Variants in TRIM67 observed in about 807,000 individuals in gnomAD.
The protein encoded by TRIM67 is tripartite motif containing 67, also known as tripartite motif-containing protein 67.
In TRIM67, 39 loss-of-function variants were observed where a neutral mutation model predicts 71.0. The ratio of observed to expected loss-of-function variants is 0.55; its 90% CI spans 0.43 to 0.72. TRIM67 has a LOEUF of 0.72. Ranked by LOEUF, TRIM67 falls within the 30% of genes least tolerant of loss-of-function variation. TRIM67 has a pLI of 0.00. For synonymous variants in TRIM67, 481 were observed against 473.9 expected (o/e 1.01, Z -0.19); for missense variants, 973 against 1,079.2 (o/e 0.90, Z 1.38).
intron 6 of TRIM67, among the ~76,000 whole-genome samples, chr1:231,204,850 A>T (rs538091213): frequency 4.9e-4 from 75 of 152,364 alleles, no homozygotes; most frequent in African/African-American, 1.6e-3. Context: ...AAAGAGATGT[A>T]CATATGTGTC....
intron 7 of TRIM67, among the ~76,000 whole-genome samples, chr1:231,208,545 G>C (rs1228834258): frequency 6.6e-6 from 1 of 151,924 alleles, no homozygotes; most frequent in Admixed American, 6.6e-5. Flanking sequence ...CCGCTGACCT[G>C]AGGTGATCCA....
intron 1 of TRIM67, among the ~76,000 whole-genome samples, chr1:231,196,146 C>T (rs976442887): frequency 2.6e-5 from 4 of 151,998 alleles, no homozygotes; most frequent in South Asian, 2.1e-4. Flanking sequence ...CAGGGGAAGG[C>T]GAGGGGGATA....
chr1:231,206,878 TG>T, intron 7 of TRIM67, 88 bp downstream of exon 7: 2 of 1,378,224 alleles, frequency 1.5e-6, no homozygotes, highest in South Asian at 1.5e-5. Context: ...GCTATGATGA[TG>T]GGGTAGGGGT....
intron 1 of TRIM67, among the ~76,000 whole-genome samples, chr1:231,178,477 G>A (rs1476623684): frequency 1.3e-5 from 2 of 152,202 alleles, no homozygotes; most frequent in East Asian, 1.9e-4. Context: ...ATTATTGAAC[G>A]TCAAGGCTGA....
In TRIM67 at chr1:231,206,705, C is replaced by T. The variant is rs1408724125; in HGVS notation, c.1734C>T (p.Asn578=). Residue 578 remains asparagine (N), a synonymous_variant, in exon 7 of 10, where the codon AAC becomes AAT. Transcript: ENST00000366653. The part of the protein sequence containing the change: ...TLCTIDGLHF[N]STYNARVKAF... ...GTACCATCGACGGTCTTCACTTCAA[C>T]AGCACCTACAACGCCCGAGTCAAAG... The T allele has an allele frequency of 1.9e-6, 3 of 1,611,862 alleles. No individual in the cohort carries two copies. The Admixed American group carries it at 5.0e-5, about 27-fold the overall frequency.
At chr1:231,205,613 C>G (rs1683672921) in intron 6 of TRIM67, among the ~76,000 whole-genome samples, 1 of 151,764 alleles carries the variant, frequency 6.6e-6, no homozygotes, top group Admixed American at 6.6e-5. Context: ...GTTGTCCCAG[C>G]TACTCTGGAG....
rs535080202 is a variant in TRIM67 at position 231,198,813 on chromosome 1, A to T, written c.1141-234A>T. On this transcript the variant is annotated intron_variant, in intron 2 of 9. Transcript: ENST00000366653. ...ATGAGCATTTTCTCATGGCATTAAA[A>T]GTGCCCTATGAACAAGATTTGAATG... 2.6e-5 allele frequency among the ~76,000 whole-genome samples: 4 copies of T among 152,350 alleles called. No individual in the cohort carries two copies. The East Asian group carries it at 7.7e-4, about 29-fold the overall frequency.
At chr1:231,198,842 A>G (rs959709737) in intron 2 of TRIM67, among the ~76,000 whole-genome samples, 2 of 152,186 alleles carry the variant, frequency 1.3e-5, no homozygotes, top group Non-Finnish European at 2.9e-5. Flanking sequence ...TTGAATGACT[A>G]CAGAATATTC....
In TRIM67 at chr1:231,218,511, C is replaced by A; in HGVS notation, c.*3071C>A. 1 of 985,408 alleles carries A rather than the reference C, an allele frequency of 1.0e-6. No homozygotes were observed. The highest frequency in any genetic ancestry group is 4.7e-5 in the South Asian group (1 of 21,286). 61.0% of individuals were successfully genotyped at this position (985,408 alleles called of 1,614,324 possible). A position where few individuals can be genotyped will look rare whatever the true frequency, so the allele number is the denominator to read the frequency against. On this transcript the variant is annotated 3_prime_UTR_variant, in exon 10 of 10. Coordinates refer to ENST00000366653, the MANE Select transcript of TRIM67 (RefSeq NM_001004342.5). ...AAAATTAATCTCTTCCGAAAATATC[C>A]ACTAGCACCTCACTGCATACATAGC...
At chr1:231,188,791 G>A (rs1482861213) in intron 1 of TRIM67, among the ~76,000 whole-genome samples, 1 of 152,178 alleles carries the variant, frequency 6.6e-6, no homozygotes, top group Non-Finnish European at 1.5e-5. Context: ...TTAGCAAGCT[G>A]TCGGTTGTTA....
At chr1:231,212,739 A>T (rs748859870) in intron 8 of TRIM67, among the ~76,000 whole-genome samples, 1 of 152,152 alleles carries the variant, frequency 6.6e-6, no homozygotes, top group Non-Finnish European at 1.5e-5. Context: ...ACCTCAAGGA[A>T]GGGAAGGAGA....
chr1:231,187,077 G>C (rs1683100852), intron 1 of TRIM67, among the ~76,000 whole-genome samples: 1 of 152,212 alleles, frequency 6.6e-6, no homozygotes, highest in Admixed American at 6.5e-5. Context: ...AAAGCTGAAA[G>C]CTTCCCAGGC....
intron 1 of TRIM67, among the ~76,000 whole-genome samples, chr1:231,182,742 C>T (rs1340094608): frequency 6.6e-6 from 1 of 152,186 alleles, no homozygotes; most frequent in Non-Finnish European, 1.5e-5. Flanking sequence ...AAGCCCAAGT[C>T]CAAGGGGAGG....
intron 1 of TRIM67, among the ~76,000 whole-genome samples, chr1:231,174,152 C>CTTTTTTT (rs35651112): frequency 1.6e-3 from 198 of 127,204 alleles, no homozygotes; most frequent in Non-Finnish European, 2.3e-3. Context: ...GTCTTATTTT[C>CTTTTTTT]TTTTTTTTTT....
chr1:231,215,198 C>T (rs889962550), intron 9 of TRIM67, among the ~76,000 whole-genome samples, 177 bp from the exon 10 acceptor site: 4 of 152,166 alleles, frequency 2.6e-5, no homozygotes, highest in African/African-American at 9.7e-5. Context: ...ACCAACATAG[C>T]CTTTAATTAG....
chr1:231,190,318 G>T (rs1353900322), intron 1 of TRIM67, among the ~76,000 whole-genome samples: 1 of 152,166 alleles, frequency 6.6e-6, no homozygotes, highest in Non-Finnish European at 1.5e-5. Context: ...CATTGGATCA[G>T]CATCTGGAGA....
chr1:231,186,991 C>T (rs1683098168), intron 1 of TRIM67, among the ~76,000 whole-genome samples: 1 of 152,156 alleles, frequency 6.6e-6, no homozygotes, highest in Non-Finnish European at 1.5e-5. Context: ...GCTGCCTCAT[C>T]AGCAAGGCTA....
chr1:231,172,226 G>A (rs927305962), intron 1 of TRIM67, among the ~76,000 whole-genome samples: 4 of 152,206 alleles, frequency 2.6e-5, no homozygotes, highest in Admixed American at 6.5e-5. Flanking sequence ...ATCAGCTGAG[G>A]AGTAGTTATG....
chr1:231,184,352 TCGGCAGCA>T, intron 1 of TRIM67: 1 of 152,180 alleles, frequency 6.6e-6, no homozygotes, highest in Non-Finnish European at 1.5e-5. Flanking sequence ...AATGAGGACG[TCGGCAGCA>T]GTTGATTCTG....
Sources: gnomAD v4.1 joint callset for allele counts (sites outside exome capture counted in the v4.1 genomes callset) on GRCh38, gnomAD v4.1.1 for gene constraint, MANE v1.5 for transcripts, NCBI Gene and HGNC (gene_info 2026-07-23, HGNC 2026-07-21) for gene names.